Variants in ADAM22 observed in about 807,000 individuals in gnomAD.
ADAM22 encodes ADAM metallopeptidase domain 22.
Under a neutral mutation model 144.6 loss-of-function variants are expected in ADAM22, and 65 were observed. That is an observed-to-expected ratio of 0.45 (90% CI 0.37 to 0.55). The LOEUF (loss-of-function observed/expected upper bound fraction) is 0.55, where lower values mean the gene tolerates loss of function less well. Among genes scored for constraint, ADAM22 ranks in the 20% least tolerant of loss-of-function variants. ADAM22 has a pLI of 0.00. For synonymous variants in ADAM22, 391 were observed against 412.6 expected (o/e 0.95, Z 0.63); for missense variants, 974 against 1,184.9 (o/e 0.82, Z 2.61).
At chr7:87,943,983 A>T (rs1437549348) in intron 2 of ADAM22, among the ~76,000 whole-genome samples, 1 of 152,212 alleles carries the variant, frequency 6.6e-6, no homozygotes, top group African/African-American at 2.4e-5. Context: ...GCTTTTCTGC[A>T]GATAGGCCTT....
chr7:87,988,326 A>C (rs539766072), intron 3 of ADAM22, among the ~76,000 whole-genome samples: 1 of 152,278 alleles, frequency 6.6e-6, no homozygotes, highest in East Asian at 1.9e-4. Context: ...CCTGGGAGGA[A>C]CTATAGCTAG....
intron 3 of ADAM22, among the ~76,000 whole-genome samples, chr7:88,001,431 T>C (rs916806130): frequency 6.6e-6 from 1 of 152,178 alleles, no homozygotes; most frequent in Non-Finnish European, 1.5e-5. Context: ...TTTTGAATTT[T>C]GGATTTTAGG....
intron 5 of ADAM22, among the ~76,000 whole-genome samples, chr7:88,109,732 G>GAAA (rs113002143): frequency 7.8e-6 from 1 of 127,850 alleles, no homozygotes; most frequent in Non-Finnish European, 1.7e-5. Flanking sequence ...AGAGAGAGAG[G>GAAA]AAAAAAAAAA....
intron 3 of ADAM22, among the ~76,000 whole-genome samples, chr7:88,054,371 T>C (rs1807565403): frequency 6.6e-6 from 1 of 152,160 alleles, no homozygotes; most frequent in African/African-American, 2.4e-5. Context: ...CCTGAGGTGA[T>C]GTTCTCCCAT....
intron 3 of ADAM22, among the ~76,000 whole-genome samples, chr7:88,009,521 TC>T (rs1794866873): frequency 6.6e-6 from 1 of 152,202 alleles, no homozygotes; most frequent in Non-Finnish European, 1.5e-5. Flanking sequence ...TCATAATTTT[TC>T]ACTAATTTTT....
intron 22 of ADAM22, among the ~76,000 whole-genome samples, chr7:88,162,298 A>G (rs1166331185): frequency 6.6e-6 from 1 of 152,116 alleles, no homozygotes; most frequent in Non-Finnish European, 1.5e-5. Context: ...ACACATGGAC[A>G]CAAAGAAGGG....
At chr7:88,124,392 C>G (rs1829973909) in intron 7 of ADAM22, among the ~76,000 whole-genome samples, 1 of 151,582 alleles carries the variant, frequency 6.6e-6, no homozygotes. Flanking sequence ...TACTTATTGT[C>G]CTGAAGTTAC....
At chr7:88,010,454 A>G (rs1052283878) in intron 3 of ADAM22, among the ~76,000 whole-genome samples, 7 of 152,092 alleles carry the variant, frequency 4.6e-5, no homozygotes, top group African/African-American at 1.7e-4. Flanking sequence ...GAACAGTGTC[A>G]TATCTGTTAA....
chr7:88,164,663 A>G (rs915279840), intron 23 of ADAM22, among the ~76,000 whole-genome samples: 2 of 152,098 alleles, frequency 1.3e-5, no homozygotes, highest in African/African-American at 4.8e-5. Flanking sequence ...AATGGAGATA[A>G]TAATAGTGCC....
Position 88,027,581 on chromosome 7 carries a change from T to C in ADAM22, c.324-48045T>C, listed in dbSNP as rs73393902. Among the ~76,000 whole-genome samples, 487 of 152,284 alleles carry C rather than the reference T, an allele frequency of 3.2e-3. 1 individual carries two copies. Among genetic ancestry groups the C allele is most frequent in the African/African-American group, 0.011 (463 of 41,552 alleles). On this transcript the variant is annotated intron_variant, in intron 3 of 31. Transcript: ENST00000413139. ...TTTCTGCAGGATCAATTGACTCTTT[T>C]CTCTTTTTTTTCCCCCATTAGGCTG...
intron 3 of ADAM22, among the ~76,000 whole-genome samples, chr7:87,985,406 A>G (rs572712657): frequency 6.6e-6 from 1 of 152,274 alleles, no homozygotes; most frequent in East Asian, 1.9e-4. Flanking sequence ...TGAGTGGTGC[A>G]GCAATCACCA....
intron 3 of ADAM22, among the ~76,000 whole-genome samples, chr7:88,022,071 T>C (rs1797965623): frequency 6.6e-6 from 1 of 151,830 alleles, no homozygotes. Flanking sequence ...TTTTTATTTT[T>C]TTTTTGTAGA....
At chr7:88,159,983 G>A (rs543195720) in intron 22 of ADAM22, among the ~76,000 whole-genome samples, 3 of 152,126 alleles carry the variant, frequency 2.0e-5, no homozygotes, top group South Asian at 2.1e-4. Context: ...TGCTGATGAC[G>A]TGATTCTATA....
At chr7:88,166,142 T>C (rs141786020) in intron 24 of ADAM22, among the ~76,000 whole-genome samples, 196 bp downstream of exon 24, 15 of 152,256 alleles carry the variant, frequency 9.9e-5, no homozygotes, top group Non-Finnish European at 2.1e-4. Flanking sequence ...ACGTATAACT[T>C]AGTCTATTTG....
chr7:88,140,570 G>A (rs555121323), intron 14 of ADAM22, among the ~76,000 whole-genome samples: 1 of 152,314 alleles, frequency 6.6e-6, no homozygotes, highest in East Asian at 1.9e-4. Flanking sequence ...AGGAATGCAA[G>A]TTTTGGCTGG....
intron 4 of ADAM22, among the ~76,000 whole-genome samples, chr7:88,105,113 T>C (rs1382858712): frequency 6.6e-6 from 1 of 152,232 alleles, no homozygotes; most frequent in Non-Finnish European, 1.5e-5. Flanking sequence ...AAGAAAACTG[T>C]AGTAATTTAT....
chr7:88,082,095 G>T (rs1055041888), intron 4 of ADAM22, among the ~76,000 whole-genome samples: 1 of 152,076 alleles, frequency 6.6e-6, no homozygotes, highest in Non-Finnish European at 1.5e-5. Context: ...TATACTACAA[G>T]GCTACAGTAA....
At chr7:88,006,783 A>C (rs1793985508) in intron 3 of ADAM22, among the ~76,000 whole-genome samples, 1 of 150,730 alleles carries the variant, frequency 6.6e-6, no homozygotes, top group Non-Finnish European at 1.5e-5. Flanking sequence ...TGACAAACCC[A>C]CAGCCAATAT....
At chr7:88,174,488 C>G (rs1161317189) in intron 26 of ADAM22, among the ~76,000 whole-genome samples, 1 of 152,074 alleles carries the variant, frequency 6.6e-6, no homozygotes. Flanking sequence ...GGAAGGAAAA[C>G]TTCCCCAATT....
Sources: gnomAD v4.1 joint callset for allele counts (sites outside exome capture counted in the v4.1 genomes callset) on GRCh38, gnomAD v4.1.1 for gene constraint, MANE v1.5 for transcripts, NCBI Gene and HGNC (gene_info 2026-07-23, HGNC 2026-07-21) for gene names.